Variants in KHDRBS2 observed in about 807,000 individuals in gnomAD.
KHDRBS2 encodes the protein KH domain-containing, RNA-binding, signal transduction-associated protein 2.
KHDRBS2 carries 26 observed loss-of-function variants against 44.3 expected under a neutral mutation model. The ratio of observed to expected loss-of-function variants is 0.59; its 90% CI spans 0.43 to 0.81. The LOEUF (loss-of-function observed/expected upper bound fraction) is 0.81. Ranked by LOEUF, KHDRBS2 falls within the 40% of genes least tolerant of loss-of-function variation. The probability of loss-of-function intolerance (pLI) is 0.00; values close to 1 mark genes in which losing one functional copy is unlikely to be tolerated. For missense variants in KHDRBS2, 476 were observed against 433.1 expected, an observed-to-expected ratio of 1.10 and a Z score of -0.88; for synonymous variants, 194 against 151.1, an observed-to-expected ratio of 1.28 and a Z score of -2.08.
chr6:62,090,210 A>G lies in KHDRBS2; in HGVS notation c.220-42216T>C, dbSNP rs150513980. Among the ~76,000 whole-genome samples, 583 of 152,318 alleles carry G rather than the reference A, an allele frequency of 3.8e-3. 1 individual carries two copies. Among genetic ancestry groups the G allele is most frequent in the African/African-American group, 0.014 (564 of 41,574 alleles). ...GGTATTAACAAGAACTATTTAAGGA[A>G]ATGGCTCCTTCACCATACTAAAGGA... is the stretch of plus-strand genomic sequence containing the variant. On this transcript the variant is annotated intron_variant, in intron 2 of 8. Transcript: ENST00000281156.
rs1799858650 is a variant in KHDRBS2 at position 62,093,430 on chromosome 6, TC to T, written c.220-45437del. Among the ~76,000 whole-genome samples, 4 of 151,974 alleles carry T rather than the reference TC, an allele frequency of 2.6e-5. No individual in the cohort carries two copies. The South Asian group carries it at 8.3e-4, about 32-fold the overall frequency. On this transcript the variant is annotated intron_variant, in intron 2 of 8. Coordinates refer to ENST00000281156, the MANE Select transcript of KHDRBS2 (RefSeq NM_152688.4). ...CATACATGTATAAGTTATGTAATGA[TC>T]AAATCAGGGTAATTAGCATGTCCAT...
intron 7 of KHDRBS2, among the ~76,000 whole-genome samples, chr6:61,726,633 C>A (rs1162445256): frequency 6.6e-6 from 1 of 152,066 alleles, no homozygotes. Context: ...CAACAATAGA[C>A]AAGCAGAGAG....
At chr6:61,594,976 G>C in the KHDRBS2 span, among the ~76,000 whole-genome samples, 598 of 152,150 alleles carry the variant, frequency 3.9e-3, 1 homozygote, top group Non-Finnish European at 7.1e-3. Context: ...CAAGAGAAGA[G>C]ACTCAGTTCC....
chr6:61,697,802 T>C (rs1044604878), intron 7 of KHDRBS2, among the ~76,000 whole-genome samples: 1 of 152,146 alleles, frequency 6.6e-6, no homozygotes, highest in African/African-American at 2.4e-5. Context: ...CTTCCTCCAT[T>C]TCTTACTCAA....
intron 2 of KHDRBS2, among the ~76,000 whole-genome samples, chr6:62,106,282 A>G (rs1803271037): frequency 6.6e-6 from 1 of 152,132 alleles, no homozygotes; most frequent in South Asian, 2.1e-4. Flanking sequence ...AGTTCTGTAG[A>G]TGTCTATTAG....
At chr6:61,687,201 A>T (rs1306200554) in intron 8 of KHDRBS2, among the ~76,000 whole-genome samples, 3 of 151,816 alleles carry the variant, frequency 2.0e-5, no homozygotes, top group Non-Finnish European at 4.4e-5. Context: ...TTATGTTCCA[A>T]GAAAAAGGGT....
chr6:61,672,019 C>G, the KHDRBS2 span, among the ~76,000 whole-genome samples: 2 of 150,108 alleles, frequency 1.3e-5, no homozygotes, highest in Admixed American at 1.3e-4. Flanking sequence ...ACAACAGTCC[C>G]CAGAGTGTGA....
chr6:62,036,242 C>T (rs1033277988), intron 3 of KHDRBS2, among the ~76,000 whole-genome samples: 7 of 151,906 alleles, frequency 4.6e-5, no homozygotes, highest in Non-Finnish European at 1.0e-4. Flanking sequence ...CGGATAGCAA[C>T]ATTTTGTAAA....
intron 1 of KHDRBS2, among the ~76,000 whole-genome samples, chr6:62,277,663 C>T (rs115601477): frequency 0.023 from 3,533 of 152,016 alleles, 139 homozygotes; most frequent in African/African-American, 0.08. Flanking sequence ...TTTAACAACA[C>T]ACATTCAAGG....
At position 61,911,197 on chromosome 6, in the gene KHDRBS2, G is replaced by A. The variant is rs143234697; in HGVS notation, c.484-9826C>T. Among the ~76,000 whole-genome samples the A allele has an allele frequency of 1.4e-3, 218 of 152,268 alleles. 2 individuals are homozygous for A. The highest frequency in any genetic ancestry group is 0.012 in the Admixed American group (182 of 15,276). ...AGGAATTCTAGGCCTTCCTCTGGACGTGGAAAATTTATATATTCAAGACAG... is the reference window on the plus strand; with the variant it reads ...AGGAATTCTAGGCCTTCCTCTGGACATGGAAAATTTATATATTCAAGACAG... On this transcript the variant is annotated intron_variant, in intron 4 of 8. Transcript: ENST00000281156.
At chr6:61,774,578 C>T (rs1582762509) in intron 6 of KHDRBS2, among the ~76,000 whole-genome samples, 1 of 152,110 alleles carries the variant, frequency 6.6e-6, no homozygotes, top group Non-Finnish European at 1.5e-5. Context: ...ACCTAGGAAT[C>T]CAACTTACAA....
At chr6:61,786,131 G>T (rs1473974317) in intron 6 of KHDRBS2, among the ~76,000 whole-genome samples, 4 of 151,912 alleles carry the variant, frequency 2.6e-5, no homozygotes, top group Admixed American at 2.0e-4. Flanking sequence ...TGTAAACAAT[G>T]CTAGCCTTTA....
chr6:62,257,878 GA>G (rs1316637034), intron 1 of KHDRBS2, among the ~76,000 whole-genome samples: 15 of 151,968 alleles, frequency 9.9e-5, no homozygotes, highest in Admixed American at 2.6e-4. Context: ...CCCAATTACA[GA>G]AAATTTTTTC....
chr6:61,632,736 C>T, the KHDRBS2 span, among the ~76,000 whole-genome samples: 3,714 of 152,124 alleles, frequency 0.024, 70 homozygotes, highest in Middle Eastern at 0.088. Context: ...GGTCACTGCA[C>T]ATTTTCTCAG....
chr6:61,984,184 T>C (rs1242591336), intron 3 of KHDRBS2, among the ~76,000 whole-genome samples: 3 of 152,186 alleles, frequency 2.0e-5, no homozygotes, highest in Non-Finnish European at 4.4e-5. Flanking sequence ...TCACTTAAGA[T>C]ACTTAGAGCT....
chr6:62,075,892 C>CCT (rs1428711758), intron 2 of KHDRBS2, among the ~76,000 whole-genome samples: 1 of 100,664 alleles, frequency 9.9e-6, no homozygotes, highest in Non-Finnish European at 2.2e-5. Flanking sequence ...CCTATCTCTC[C>CCT]CTATCTCTCT....
In KHDRBS2 at chr6:61,955,579, T is replaced by C. The variant is rs548717814; in HGVS notation, c.483+22487A>G. ...GTATACATGTGTATATATACACGTA[T>C]GTATGTATGTATACATGTGTGTATA... On this transcript the variant is annotated intron_variant, in intron 4 of 8. Transcript: ENST00000281156. Among the ~76,000 whole-genome samples the C allele has an allele frequency of 1.2e-4, 8 of 69,458 alleles. 3 individuals are homozygous for C. The highest frequency in any genetic ancestry group is 1.5e-3 in the East Asian group (2 of 1,368). 45.6% of individuals were successfully genotyped at this position (69,458 alleles called of 152,430 possible). A position where few individuals can be genotyped will look rare whatever the true frequency, so the allele number is the denominator to read the frequency against.
Position 61,846,636 on chromosome 6 carries a change from T to G in KHDRBS2, c.810+47999A>C, listed in dbSNP as rs192749594. Among the ~76,000 whole-genome samples the G allele has an allele frequency of 1.3e-3, 198 of 152,316 alleles. 1 individual carries two copies. Among genetic ancestry groups the G allele is most frequent in the African/African-American group, 4.4e-3 (181 of 41,564 alleles). ...AAATTTCTCTATCCACTAAGAAGTC[T>G]TGTAATGATTATATATATTTATAAC... On this transcript the variant is annotated intron_variant, in intron 6 of 8. Transcript: ENST00000281156.
intron 3 of KHDRBS2, among the ~76,000 whole-genome samples, chr6:61,990,962 C>A (rs1168974274): frequency 6.6e-6 from 1 of 152,110 alleles, no homozygotes; most frequent in Non-Finnish European, 1.5e-5. Context: ...TCCGCCTTGG[C>A]CTCCCAAAAT....
Sources: gnomAD v4.1 joint callset for allele counts (sites outside exome capture counted in the v4.1 genomes callset) on GRCh38, gnomAD v4.1.1 for gene constraint, MANE v1.5 for transcripts, NCBI Gene and HGNC (gene_info 2026-07-23, HGNC 2026-07-21) for gene names.